The following FAT1 variants were observed in gnomAD, a reference collection of about 807,000 sequenced individuals.
FAT1 encodes protocadherin Fat 1.
In FAT1, 171 loss-of-function variants were observed where a neutral mutation model predicts 329.8. The observed-to-expected ratio is 0.52, with a 90% CI of 0.46 to 0.59. The LOEUF (loss-of-function observed/expected upper bound fraction) is 0.59, where lower values mean the gene tolerates loss of function less well. Among genes scored for constraint, FAT1 ranks in the 20% least tolerant of loss-of-function variants. The pLI, the probability that FAT1 is intolerant of heterozygous loss-of-function variation, is 0.00. For synonymous variants in FAT1, 2,233 were observed against 2,228.6 expected, an observed-to-expected ratio of 1.00 and a Z score of -0.06; for missense variants, 5,672 against 5,774.4, an observed-to-expected ratio of 0.98 and a Z score of 0.57.
rs868688611 is a variant in FAT1 at position 186,723,839 on chromosome 4, C to T, written c.-194G>A. On this transcript the variant is annotated 5_prime_UTR_variant, in exon 1 of 27. Coordinates refer to ENST00000441802, the MANE Select transcript of FAT1 (RefSeq NM_005245.4). ...CCCCGCGCCCGGCCGCCCAGCTCGG[C>T]GCCGGCGCCTCACGCTCCCCGAGCG... 4 of 149,020 alleles carry T rather than the reference C, an allele frequency of 2.7e-5. No individual in the cohort carries two copies. Among genetic ancestry groups the T allele is most frequent in the Admixed American group, 1.3e-4 (2 of 15,070 alleles). 9.2% of individuals were successfully genotyped at this position (149,020 alleles called of 1,614,324 possible).
intron 1 of FAT1, among the ~76,000 whole-genome samples, chr4:186,720,723 A>T (rs1473235769): frequency 6.6e-6 from 1 of 152,226 alleles, no homozygotes; most frequent in Admixed American, 6.5e-5. Context: ...CGATTTGTTC[A>T]GCACTAGATG....
chr4:186,629,771 C>T lies in FAT1; in HGVS notation c.4324-1008G>A, dbSNP rs140611237. 2.7e-3 allele frequency among the ~76,000 whole-genome samples: 418 copies of T among 152,232 alleles called. 3 individuals carry two copies. Among genetic ancestry groups the T allele is most frequent in the African/African-American group, 9.6e-3 (397 of 41,534 alleles). ...TCAAGGATGTTTTAGTTAAATAAAA[C>T]GTAACATTACATTTTGTATGAATTC... On this transcript the variant is annotated intron_variant, in intron 7 of 26. Coordinates refer to ENST00000441802, the MANE Select transcript of FAT1 (RefSeq NM_005245.4).
At position 186,709,767 on chromosome 4, in the gene FAT1, T is replaced by A. The variant is rs2126706585; in HGVS notation, c.61A>T (p.Ser21Cys). The A allele has an allele frequency of 6.2e-7, 1 of 1,612,954 alleles. No individual in the cohort carries two copies. The highest frequency in any genetic ancestry group is 8.5e-7 in the Non-Finnish European group (1 of 1,179,410). Residue 21 changes from serine to cysteine, a missense_variant, in exon 2 of 27, where the codon AGT becomes TGT. Ser to Cys is a moderately radical substitution (Grantham distance 112, BLOSUM62 -1). Coordinates refer to ENST00000441802, the MANE Select transcript of FAT1 (RefSeq NM_005245.4). Reference sequence around the variant, plus strand: ...TGTTCAAGTCGTTGGCTGCCATCACTGTCTCCAAAATGTTGGAAGAGAAGG... The same window carrying A: ...TGTTCAAGTCGTTGGCTGCCATCACAGTCTCCAAAATGTTGGAAGAGAAGG... ...LLLLFQHFGD[S>C]DGSQRLEQTP...
At position 186,698,763 on chromosome 4, in the gene FAT1, C is replaced by T. The variant is rs1221504928; in HGVS notation, c.3265+7800G>A. On this transcript the variant is annotated intron_variant, in intron 2 of 26. Coordinates refer to ENST00000441802, the MANE Select transcript of FAT1 (RefSeq NM_005245.4). ...CTGTTAGGGCAATGCGGCTCCGCCA[C>T]GGAGAGACTGGACCCCGTGCGATGG... is the stretch of plus-strand genomic sequence containing the variant. Among the ~76,000 whole-genome samples, 5 of 152,178 alleles carry T rather than the reference C, an allele frequency of 3.3e-5. No homozygotes were observed. In the East Asian group the frequency reaches 5.8e-4, roughly 18 times the overall value.
intron 2 of FAT1, among the ~76,000 whole-genome samples, chr4:186,698,957 G>A (rs1744167900): frequency 6.6e-6 from 1 of 152,160 alleles, no homozygotes; most frequent in Non-Finnish European, 1.5e-5. Context: ...AAATTCAATG[G>A]CACTAAGTCG....
In FAT1 at chr4:186,706,924, G is replaced by A. The variant is rs1744645765; in HGVS notation, c.2904C>T (p.Asp968=). The change falls in exon 2 of 27, where the codon GAC becomes GAT. Residue 968 remains aspartate, a synonymous_variant. Coordinates refer to ENST00000441802, the MANE Select transcript of FAT1 (RefSeq NM_005245.4). ...CCACATCGAAGTTTCCTTCTCCGTGGTCCAGAAGGCTGTATCTCACCTGAC... is the reference window on the plus strand; with the variant it reads ...CCACATCGAAGTTTCCTTCTCCGTGATCCAGAAGGCTGTATCTCACCTGAC... The part of the protein sequence containing the change: ...QSGQVRYSLL[D]HGEGNFDVDK... 6.2e-7 allele frequency: 1 copy of A among 1,613,822 alleles called. No homozygotes were observed. Among genetic ancestry groups the A allele is most frequent in the South Asian group, 1.1e-5 (1 of 91,074 alleles).
chr4:186,595,567 T>C, intron 26 of FAT1, 122 bp downstream of exon 26: 1 of 1,110,976 alleles, frequency 9.0e-7, no homozygotes, highest in Non-Finnish European at 1.3e-6. Context: ...TGTTTAAAAG[T>C]GGTCCAAGAA....
intron 2 of FAT1, among the ~76,000 whole-genome samples, chr4:186,672,931 C>G (rs1327101969): frequency 2.6e-5 from 4 of 152,170 alleles, no homozygotes; most frequent in Non-Finnish European, 5.9e-5. Flanking sequence ...ATTTGAAAAT[C>G]TGGGCTAAAG....
chr4:186,628,400 G>A (rs2126543638), intron 8 of FAT1, 36 bp from the exon 9 acceptor site: 1 of 1,609,810 alleles, frequency 6.2e-7, no homozygotes, highest in Non-Finnish European at 8.5e-7. Context: ...TCCCATTGGT[G>A]CTTTCCTTAT....
chr4:186,665,690 G>C (rs1742405407), intron 2 of FAT1, among the ~76,000 whole-genome samples: 1 of 152,068 alleles, frequency 6.6e-6, no homozygotes, highest in African/African-American at 2.4e-5. Flanking sequence ...AAGCTCTTTA[G>C]TTTAATTAGA....
Position 186,633,802 on chromosome 4 carries a change from A to C in FAT1, c.4205T>G (p.Phe1402Cys), listed in dbSNP as rs1385660024. 1 of 1,614,010 alleles carries C rather than the reference A, an allele frequency of 6.2e-7. No individual in the cohort carries two copies. The change falls in exon 7 of 27, where the codon TTC becomes TGC. Residue 1402 changes from phenylalanine (F) to cysteine (C), a missense_variant. Coordinates refer to ENST00000441802, the MANE Select transcript of FAT1 (RefSeq NM_005245.4). ...DITGGNYDSH[F>C]DVDKGTGTII... ...GGTTCCAGTTCCCTTGTCCACATCG[A>C]AGTGACTGTCGTAGTTGCCACCTAA...
At chr4:186,615,254 A>G (rs1409153113) in intron 11 of FAT1, among the ~76,000 whole-genome samples, 1 of 152,166 alleles carries the variant, frequency 6.6e-6, no homozygotes, top group African/African-American at 2.4e-5. Context: ...CTGAAAATAT[A>G]AAGTACAAAT....
intron 3 of FAT1, among the ~76,000 whole-genome samples, chr4:186,660,715 G>C (rs1358597673): frequency 1.3e-5 from 2 of 152,176 alleles, no homozygotes; most frequent in African/African-American, 4.8e-5. Flanking sequence ...CTTTAGAGTT[G>C]TCAGAATAGA....
chr4:186,667,665 C>T (rs113813086), intron 2 of FAT1, among the ~76,000 whole-genome samples: 114 of 152,274 alleles, frequency 7.5e-4, no homozygotes, highest in African/African-American at 2.5e-3. Flanking sequence ...ATCCTCAGAT[C>T]CCTCATGTCC....
chr4:186,610,320 A>G (rs1315036057), intron 14 of FAT1, among the ~76,000 whole-genome samples: 1 of 152,052 alleles, frequency 6.6e-6, no homozygotes, highest in Non-Finnish European at 1.5e-5. Flanking sequence ...TCCATACCAT[A>G]GCTCACTCGA....
intron 1 of FAT1, among the ~76,000 whole-genome samples, chr4:186,715,835 A>C (rs763411953): frequency 6.6e-6 from 1 of 152,228 alleles, no homozygotes; most frequent in Non-Finnish European, 1.5e-5. Context: ...CTAAAGCTTA[A>C]ATATCTTTAG....
In FAT1 at chr4:186,706,618, T is replaced by C. The variant is rs2126682058; in HGVS notation, c.3210A>G (p.Arg1070=). 1 of 1,613,934 alleles carries C rather than the reference T, an allele frequency of 6.2e-7. No homozygotes were observed. Among genetic ancestry groups the C allele is most frequent in the East Asian group, 2.2e-5 (1 of 44,874 alleles). The change falls in exon 2 of 27, where the codon CGA becomes CGG. Residue 1070 remains arginine (R), a synonymous_variant. Transcript: ENST00000441802. ...CGCCAGAGCCATCTCTAATGGAGTA[T>C]CGGATCTCCCCATCTCTTCTGGCGT... ...DEDARRDGEI[R]YSIRDGSGVG...
chr4:186,599,020 G>A (rs1242259654), intron 22 of FAT1, among the ~76,000 whole-genome samples: 1 of 152,164 alleles, frequency 6.6e-6, no homozygotes, highest in Non-Finnish European at 1.5e-5. Flanking sequence ...GGGCACAGCT[G>A]CCATACTCCT....
At chr4:186,617,444 A>T (rs1262941182) in intron 10 of FAT1, among the ~76,000 whole-genome samples, 1 of 152,212 alleles carries the variant, frequency 6.6e-6, no homozygotes, top group Non-Finnish European at 1.5e-5. Context: ...GATGTTTTTA[A>T]TTATATTTAT....
Sources: allele counts gnomAD v4.1 joint callset (sites outside exome capture counted in the v4.1 genomes callset), GRCh38; gene constraint gnomAD v4.1.1; transcripts MANE v1.5; gene names NCBI Gene and HGNC (gene_info 2026-07-23, HGNC 2026-07-21).